Variants in CFAP61 observed in about 807,000 individuals in gnomAD.
CFAP61 encodes cilia- and flagella-associated protein 61.
In CFAP61, 107 loss-of-function variants were observed where a neutral mutation model predicts 135.6. That is an observed-to-expected ratio of 0.79 (90% CI 0.67 to 0.93). The LOEUF is 0.93. Ranked by LOEUF, CFAP61 falls within the 40% of genes least tolerant of loss-of-function variation. The pLI is 0.00. For missense variants in CFAP61, 1,507 were observed against 1,556.2 expected (o/e 0.97, Z 0.53); for synonymous variants, 575 against 578.5 (o/e 0.99, Z 0.09).
At chr20:20,346,055 C>T (rs1341805464) in intron 26 of CFAP61, among the ~76,000 whole-genome samples, 2 of 138,838 alleles carry the variant, frequency 1.4e-5, no homozygotes, top group African/African-American at 2.6e-5. Context: ...GCGCCCGCCA[C>T]CGCGCCCGGC....
At position 20,074,375 on chromosome 20, in the gene CFAP61, T is replaced by C; in HGVS notation, c.368T>C (p.Leu123Pro). The C allele has an allele frequency of 1.2e-6, 2 of 1,613,792 alleles. No homozygotes were observed. Among genetic ancestry groups the C allele is most frequent in the Non-Finnish European group, 1.7e-6 (2 of 1,179,622 alleles). Residue 123 changes from leucine to proline, a missense_variant, in exon 4 of 27, where the codon CTT becomes CCT. Physicochemically the swap from Leu to Pro is moderately conservative, Grantham distance 98. Transcript: ENST00000245957. ...EYSVGCCKEI[L>P]RTVYKAVPEL... Reference sequence around the variant, plus strand: ...TCTGTTGGCTGTTGCAAAGAGATTCTTCGGTGAGTGGATATGGCCGTGCAG... The same window carrying C: ...TCTGTTGGCTGTTGCAAAGAGATTCCTCGGTGAGTGGATATGGCCGTGCAG...
chr20:20,200,302 A>G (rs191622399), intron 17 of CFAP61, among the ~76,000 whole-genome samples: 2 of 152,332 alleles, frequency 1.3e-5, no homozygotes, highest in Non-Finnish European at 2.9e-5. Flanking sequence ...GCTGACAGAG[A>G]AAACAGAGCT....
intron 13 of CFAP61, among the ~76,000 whole-genome samples, chr20:20,185,376 C>A (rs1203530174): frequency 6.6e-6 from 1 of 152,174 alleles, no homozygotes; most frequent in Non-Finnish European, 1.5e-5. Flanking sequence ...GTTCCAGCAA[C>A]CCAGGAGAGA....
chr20:20,122,300 G>T (rs2049717133), intron 8 of CFAP61, among the ~76,000 whole-genome samples: 1 of 151,880 alleles, frequency 6.6e-6, no homozygotes, highest in African/African-American at 2.4e-5. Flanking sequence ...GGACTACAGG[G>T]GTGCACCACC....
intron 25 of CFAP61, among the ~76,000 whole-genome samples, chr20:20,320,502 T>TTATATATGTAATATATAATATATGTAA (rs1491559056): frequency 2.9e-4 from 6 of 20,458 alleles, no homozygotes; most frequent in Non-Finnish European, 6.3e-4. Context: ...GTAATATATA[T>TTATATATGTAATATATAATATATGTAA]TATATATGTA....
intron 8 of CFAP61, among the ~76,000 whole-genome samples, chr20:20,129,786 C>T (rs1176490448): frequency 6.6e-6 from 1 of 151,086 alleles, no homozygotes; most frequent in Non-Finnish European, 1.5e-5. Context: ...TTTCAAATAG[C>T]CTGTCTTTGA....
At chr20:20,348,632 G>A (rs1051104048) in intron 26 of CFAP61, among the ~76,000 whole-genome samples, 3 of 140,344 alleles carry the variant, frequency 2.1e-5, no homozygotes, top group Admixed American at 7.6e-5. Context: ...AGAGGTTGCA[G>A]TGAGCCAAGA....
rs759303610 is a variant in CFAP61, at chr20:20,164,030, C to T, written c.1027-20C>T. ...GCATTGACAGGATTCTCATTGGCTCCTCCTGTCTCCTTGCTCTAGGACATA... is the reference window on the plus strand; with the variant it reads ...GCATTGACAGGATTCTCATTGGCTCTTCCTGTCTCCTTGCTCTAGGACATA... On this transcript the variant is annotated intron_variant, in intron 10 of 26. Coordinates refer to ENST00000245957, the MANE Select transcript of CFAP61 (RefSeq NM_015585.4). 20 of 1,581,244 alleles carry T rather than the reference C, an allele frequency of 1.3e-5. No homozygotes were observed. In the Admixed American group the frequency reaches 3.3e-4, roughly 26 times the overall value.
chr20:20,085,106 G>C lies in CFAP61; in HGVS notation c.567-5738G>C, dbSNP rs963428208. ...TACTATTTCCGTTGCACTCTGTGCTGATCTATAAACTCCGCATCTTCATCG... is the reference window on the plus strand; with the variant it reads ...TACTATTTCCGTTGCACTCTGTGCTCATCTATAAACTCCGCATCTTCATCG... On this transcript the variant is annotated intron_variant, in intron 6 of 26. Coordinates refer to ENST00000245957, the MANE Select transcript of CFAP61 (RefSeq NM_015585.4). 3.0e-6 allele frequency: 3 copies of C among 985,424 alleles called. No individual in the cohort carries two copies. In the African/African-American group the frequency reaches 5.2e-5, roughly 17 times the overall value. The allele number at this position is 985,424 out of a possible 1,614,324, so 61.0% of individuals were successfully genotyped here.
Position 20,164,186 on chromosome 20 carries a change from T to G in CFAP61, c.1163T>G (p.Phe388Cys). Residue 388 changes from phenylalanine to cysteine, a missense_variant, in exon 11 of 27, where the codon TTT becomes TGT. By Grantham distance (205) the Phe-to-Cys change is radical. Transcript: ENST00000245957. ...ATCTACAGGGGAGCCTCAGCTGCTT[T>G]TTGTATTCAGCTGTTTTGTATTGAT... ...RPIYRGASAA[F>C]CIQLFCIDEK... 6.2e-7 allele frequency: 1 copy of G among 1,614,068 alleles called. No homozygotes were observed. Among genetic ancestry groups the G allele is most frequent in the African/African-American group, 1.3e-5 (1 of 75,050 alleles).
intron 17 of CFAP61, among the ~76,000 whole-genome samples, chr20:20,225,075 G>A (rs545642759): frequency 1.6e-4 from 24 of 152,252 alleles, no homozygotes; most frequent in African/African-American, 4.3e-4. Context: ...ATGAAAACTT[G>A]TAGTTTGAAG....
chr20:20,079,759 CTT>C (rs936379514), intron 6 of CFAP61, among the ~76,000 whole-genome samples: 2 of 152,140 alleles, frequency 1.3e-5, no homozygotes, highest in Non-Finnish European at 2.9e-5. Context: ...ATAATCCTCT[CTT>C]TATAAAACCC....
chr20:20,080,226 A>C (rs565662449), intron 6 of CFAP61, among the ~76,000 whole-genome samples: 13 of 152,106 alleles, frequency 8.5e-5, no homozygotes, highest in Admixed American at 2.6e-4. Context: ...GCATACATGC[A>C]CTCTCTCTAC....
At chr20:20,146,257 A>G (rs2051874724) in intron 9 of CFAP61, among the ~76,000 whole-genome samples, 1 of 152,234 alleles carries the variant, frequency 6.6e-6, no homozygotes, top group East Asian at 1.9e-4. Context: ...CTACAACTGG[A>G]TGAACTAATG....
At chr20:20,075,462 A>AC in intron 5 of CFAP61, 27 bp from the exon 6 acceptor site, 1 of 1,611,806 alleles carries the variant, frequency 6.2e-7, no homozygotes, top group Non-Finnish European at 8.5e-7. Context: ...ATAAATAAGG[A>AC]CATGTTTCTT....
At chr20:20,301,222 T>C (rs906102081) in intron 25 of CFAP61, among the ~76,000 whole-genome samples, 1 of 152,200 alleles carries the variant, frequency 6.6e-6, no homozygotes, top group Non-Finnish European at 1.5e-5. Context: ...AAATCTTTTA[T>C]GCCATATTTT....
intron 6 of CFAP61, among the ~76,000 whole-genome samples, chr20:20,084,043 T>A (rs1600520250): frequency 6.6e-6 from 1 of 152,146 alleles, no homozygotes. Flanking sequence ...GTGCTTGGTT[T>A]TGCATACCTG....
At chr20:20,292,304 G>A (rs984719409) in intron 24 of CFAP61, among the ~76,000 whole-genome samples, 1 of 152,168 alleles carries the variant, frequency 6.6e-6, no homozygotes, top group Non-Finnish European at 1.5e-5. Flanking sequence ...CCAGGAAAAG[G>A]GTAGATGCTG....
At chr20:20,298,091 T>C in intron 24 of CFAP61, 90 bp from the exon 25 acceptor site, 1 of 855,452 alleles carries the variant, frequency 1.2e-6, no homozygotes, top group Non-Finnish European at 1.9e-6. Flanking sequence ...AACCTGTCTG[T>C]TATATTTGAA....
Sources: gnomAD v4.1 joint callset for allele counts (sites outside exome capture counted in the v4.1 genomes callset) on GRCh38, gnomAD v4.1.1 for gene constraint, MANE v1.5 for transcripts, NCBI Gene and HGNC (gene_info 2026-07-23, HGNC 2026-07-21) for gene names.